Variants in C3orf70 observed in about 807,000 individuals in gnomAD.
C3orf70 encodes the protein UPF0524 protein C3orf70.
A neutral mutation model predicts 20.7 loss-of-function variants in C3orf70; 15 were observed. That is an observed-to-expected ratio of 0.72 (90% CI 0.48 to 1.11). The LOEUF (loss-of-function observed/expected upper bound fraction) is 1.11, where lower values mean the gene tolerates loss of function less well. C3orf70 is among the 50% of genes most tolerant of loss of function. The pLI, the probability that C3orf70 is intolerant of heterozygous loss-of-function variation, is 0.00. For missense variants in C3orf70, 332 were observed against 317.6 expected (o/e 1.05, Z -0.34); for synonymous variants, 161 against 125.7 (o/e 1.28, Z -1.88).
chr3:185,107,886 G>A (rs757439559), intron 1 of C3orf70, among the ~76,000 whole-genome samples: 5 of 151,846 alleles, frequency 3.3e-5, no homozygotes, highest in Non-Finnish European at 5.9e-5. Context: ...TTCACCTACA[G>A]GTGTTATTGT....
chr3:185,082,967 C>A lies in C3orf70; in HGVS notation c.*40G>T. On this transcript the variant is annotated 3_prime_UTR_variant, in exon 2 of 2. Transcript: ENST00000335012. ...GATCCACCAGACAAAGGTACAAAAG[C>A]TCGGCGTGGGTCCGAGGCTGTGGCT... The A allele has an allele frequency of 6.4e-7, 1 of 1,573,300 alleles. No individual in the cohort carries two copies. The highest frequency in any genetic ancestry group is 8.6e-7 in the Non-Finnish European group (1 of 1,159,660).
chr3:185,113,144 A>G (rs1382802488), intron 1 of C3orf70, among the ~76,000 whole-genome samples: 2 of 152,120 alleles, frequency 1.3e-5, no homozygotes, highest in Admixed American at 6.6e-5. Context: ...CAATATGTAG[A>G]AAGTTAATGG....
chr3:185,140,687 G>A (rs376947545), intron 1 of C3orf70, among the ~76,000 whole-genome samples: 2 of 150,988 alleles, frequency 1.3e-5, no homozygotes, highest in Non-Finnish European at 2.9e-5. Flanking sequence ...GGTGGCTCAC[G>A]CCTGGAATCC....
intron 1 of C3orf70, among the ~76,000 whole-genome samples, chr3:185,118,115 T>C (rs1472176137): frequency 6.6e-6 from 1 of 152,244 alleles, no homozygotes; most frequent in Admixed American, 6.5e-5. Flanking sequence ...TGTTCTAATA[T>C]GTCCCCAAGG....
chr3:185,109,946 A>G (rs1275299941), intron 1 of C3orf70, among the ~76,000 whole-genome samples: 3 of 152,188 alleles, frequency 2.0e-5, no homozygotes, highest in South Asian at 4.1e-4. Flanking sequence ...AATCATTATT[A>G]ATTGGTCCCC....
chr3:185,135,378 T>C (rs1291726717), intron 1 of C3orf70, among the ~76,000 whole-genome samples: 2 of 152,142 alleles, frequency 1.3e-5, no homozygotes. Context: ...CCCAGCATTT[T>C]GGGAGGCTGA....
In C3orf70 at chr3:185,117,444, C is replaced by G. The variant is rs1205139812; in HGVS notation, c.197-33881G>C. Among the ~76,000 whole-genome samples, 111 of 136,758 alleles carry G rather than the reference C, an allele frequency of 8.1e-4. 1 individual carries two copies. Among genetic ancestry groups the G allele is most frequent in the African/African-American group, 3.4e-3 (109 of 32,048 alleles). 89.7% of individuals were successfully genotyped at this position (136,758 alleles called of 152,430 possible). ...ACACACACACACACACACACACACA[C>G]ACACACAGAAAGAGAGAGAGAGAGA... On this transcript the variant is annotated intron_variant, in intron 1 of 1. Coordinates refer to ENST00000335012, the MANE Select transcript of C3orf70 (RefSeq NM_001025266.3).
chr3:185,139,071 TA>T (rs1229179395), intron 1 of C3orf70, among the ~76,000 whole-genome samples: 9 of 150,456 alleles, frequency 6.0e-5, no homozygotes, highest in African/African-American at 2.2e-4. Flanking sequence ...CACTGCACTC[TA>T]GCCTGGGCGA....
intron 1 of C3orf70, among the ~76,000 whole-genome samples, chr3:185,138,036 T>C (rs973406601): frequency 1.3e-5 from 2 of 151,980 alleles, no homozygotes; most frequent in Non-Finnish European, 1.5e-5. Flanking sequence ...ACAGCACAAA[T>C]TACCAGTATC....
In C3orf70 at chr3:185,078,485, T is replaced by G. The variant is rs182335771; in HGVS notation, c.*4522A>C. On this transcript the variant is annotated 3_prime_UTR_variant, in exon 2 of 2. Transcript: ENST00000335012. ...TTTTAAATGGTGAATAATTCCAAAA[T>G]TAATGTTGAGAAGTGCCCTATTTCT... 1 of 152,338 alleles carries G rather than the reference T, an allele frequency of 6.6e-6. No individual in the cohort carries two copies. The highest frequency in any genetic ancestry group is 6.5e-5 in the Admixed American group (1 of 15,304). The allele number at this position is 152,338 out of a possible 1,614,324, so 9.4% of individuals were successfully genotyped here.
At chr3:185,119,088 T>A (rs1036477287) in intron 1 of C3orf70, among the ~76,000 whole-genome samples, 1 of 152,210 alleles carries the variant, frequency 6.6e-6, no homozygotes, top group Non-Finnish European at 1.5e-5. Flanking sequence ...CAATGAGTCT[T>A]TAGTGGGCAT....
intron 1 of C3orf70, among the ~76,000 whole-genome samples, chr3:185,125,054 T>C (rs1194346217): frequency 6.6e-6 from 1 of 152,164 alleles, no homozygotes; most frequent in Non-Finnish European, 1.5e-5. Flanking sequence ...TCATTCATTG[T>C]TGGTGGGAAT....
At chr3:185,084,682 A>G (rs922376084) in intron 1 of C3orf70, among the ~76,000 whole-genome samples, 25 of 152,170 alleles carry the variant, frequency 1.6e-4, no homozygotes, top group African/African-American at 5.6e-4. Flanking sequence ...TTTCCCACAT[A>G]GTTGACATGG....
chr3:185,146,276 A>ATTT lies in C3orf70; in HGVS notation c.196+6349_196+6351dup, dbSNP rs10576073. ...ATCACTAGACAAAGTTACAACTCTC[A>ATTT]TTTTTTTTTTTTTTTTTTTTTTTTT... On this transcript the variant is annotated intron_variant, in intron 1 of 1. Transcript: ENST00000335012. Among the ~76,000 whole-genome samples, 122 of 67,084 alleles carry ATTT rather than the reference A, an allele frequency of 1.8e-3. 7 individuals carry two copies. The highest frequency in any genetic ancestry group is 4.9e-3 in the African/African-American group (93 of 18,878). 44.0% of individuals were successfully genotyped at this position (67,084 alleles called of 152,430 possible). A position where few individuals can be genotyped will look rare whatever the true frequency, so the allele number is the denominator to read the frequency against.
chr3:185,144,973 C>T (rs1716828314), intron 1 of C3orf70, among the ~76,000 whole-genome samples: 1 of 152,188 alleles, frequency 6.6e-6, no homozygotes, highest in African/African-American at 2.4e-5. Context: ...TAGTAATCTA[C>T]CCAAAGTCAC....
chr3:185,127,928 A>AT (rs1409696053), intron 1 of C3orf70, among the ~76,000 whole-genome samples: 1 of 152,174 alleles, frequency 6.6e-6, no homozygotes, highest in Non-Finnish European at 1.5e-5. Flanking sequence ...AACAGCTTCA[A>AT]TTTTTTCATT....
intron 1 of C3orf70, among the ~76,000 whole-genome samples, chr3:185,104,733 C>G (rs180807321): frequency 1.1e-4 from 17 of 152,168 alleles, no homozygotes; most frequent in Admixed American, 9.2e-4. Flanking sequence ...AAACAGAAAA[C>G]CAAATACCGC....
intron 1 of C3orf70, among the ~76,000 whole-genome samples, chr3:185,116,732 T>G (rs945613231): frequency 8.5e-5 from 13 of 152,066 alleles, no homozygotes; most frequent in African/African-American, 2.9e-4. Context: ...CACAGAATCA[T>G]AGACTATGAT....
intron 1 of C3orf70, among the ~76,000 whole-genome samples, chr3:185,137,923 G>GA (rs938656428): frequency 2.7e-4 from 41 of 152,190 alleles, no homozygotes; most frequent in African/African-American, 9.6e-4. Context: ...ACATTAAACA[G>GA]AAAAACTGAC....
Sources: allele counts gnomAD v4.1 joint callset (sites outside exome capture counted in the v4.1 genomes callset), GRCh38; gene constraint gnomAD v4.1.1; transcripts MANE v1.5; gene names NCBI Gene and HGNC (gene_info 2026-07-23, HGNC 2026-07-21).